PDE3B: variants seen among roughly 807,000 people sequenced by gnomAD.
PDE3B encodes the protein cGMP-inhibited 3',5'-cyclic phosphodiesterase 3B.
Under a neutral mutation model 116.8 loss-of-function variants are expected in PDE3B, and 66 were observed. That is an observed-to-expected ratio of 0.56 (90% CI 0.46 to 0.69). PDE3B has a LOEUF of 0.69. Among genes scored for constraint, PDE3B ranks in the 30% least tolerant of loss-of-function variants. PDE3B has a pLI of 0.00. For missense variants in PDE3B, 1,384 were observed against 1,368.1 expected, an observed-to-expected ratio of 1.01 and a Z score of -0.18; for synonymous variants, 595 against 533.6, an observed-to-expected ratio of 1.12 and a Z score of -1.59.
intron 1 of PDE3B, among the ~76,000 whole-genome samples, chr11:14,748,911 C>T (rs1288967451): frequency 7.1e-6 from 1 of 141,104 alleles, no homozygotes; most frequent in Non-Finnish European, 1.5e-5. Flanking sequence ...TTTTTTGAGA[C>T]AGAGTTTCGC....
At chr11:14,658,602 G>A (rs532663122) in intron 1 of PDE3B, among the ~76,000 whole-genome samples, 1 of 152,122 alleles carries the variant, frequency 6.6e-6, no homozygotes, top group Non-Finnish European at 1.5e-5. Context: ...TGATCCGCCC[G>A]CCTCGGCCTC....
intron 12 of PDE3B, among the ~76,000 whole-genome samples, chr11:14,851,044 C>T (rs528149147): frequency 5.5e-4 from 81 of 146,352 alleles, no homozygotes; most frequent in African/African-American, 2.0e-3. Flanking sequence ...GGGATGGTCT[C>T]GATCTCTTGA....
chr11:14,671,682 T>C (rs906660242), intron 1 of PDE3B, among the ~76,000 whole-genome samples: 4 of 152,108 alleles, frequency 2.6e-5, no homozygotes, highest in African/African-American at 9.7e-5. Context: ...TGACTTGGAC[T>C]ATCTCAGATG....
At chr11:14,858,961 G>T in intron 12 of PDE3B, 82 bp from the exon 13 acceptor site, 1 of 954,812 alleles carries the variant, frequency 1.0e-6, no homozygotes, top group Non-Finnish European at 1.6e-6. Context: ...TTCATTGTTT[G>T]TATACTTCCA....
At position 14,780,172 on chromosome 11, in the gene PDE3B, T is replaced by G. The variant is rs573449643; in HGVS notation, c.1030-6265T>G. Among the ~76,000 whole-genome samples the G allele has an allele frequency of 2.6e-4, 40 of 152,226 alleles. No homozygotes were observed. The East Asian group carries it at 7.3e-3, about 28-fold the overall frequency. ...GCACCCAGATTCATAAAGCAAGTCC[T>G]TAGAGACCTACAAAGAGACTTAGAC... On this transcript the variant is annotated intron_variant, in intron 2 of 15. Transcript: ENST00000282096.
intron 7 of PDE3B, among the ~76,000 whole-genome samples, chr11:14,822,094 G>A (rs1004542912): frequency 2.6e-5 from 4 of 151,922 alleles, no homozygotes; most frequent in Admixed American, 6.6e-5. Context: ...GTAGAGATGA[G>A]AACTCGCTCT....
the PDE3B span, chr11:14,891,724 A>C: frequency 7.8e-7 from 1 of 1,281,038 alleles, no homozygotes; most frequent in Non-Finnish European, 9.9e-7. Context: ...GTAGCGGGAA[A>C]ATCAGGACTG....
chr11:14,850,451 C>T (rs888636679), intron 12 of PDE3B, among the ~76,000 whole-genome samples: 5 of 151,724 alleles, frequency 3.3e-5, no homozygotes, highest in Admixed American at 6.6e-5. Context: ...AACTAACCTG[C>T]ACATTGTGCA....
chr11:14,744,539 T>C (rs1199814870), intron 1 of PDE3B, among the ~76,000 whole-genome samples: 1 of 152,218 alleles, frequency 6.6e-6, no homozygotes, highest in African/African-American at 2.4e-5. Context: ...ATTTTATTAT[T>C]TTTGATGCCA....
chr11:14,717,565 G>A (rs1476149515), intron 1 of PDE3B, among the ~76,000 whole-genome samples: 2 of 76,190 alleles, frequency 2.6e-5, no homozygotes, highest in African/African-American at 1.1e-4. Flanking sequence ...GACTAACAGC[G>A]GATCTCTCGG....
In PDE3B at chr11:14,871,654, C is replaced by G. The variant is rs567758252; in HGVS notation, c.*1994C>G. The G allele has an allele frequency of 6.6e-6, 1 of 152,106 alleles. No individual in the cohort carries two copies. The highest frequency in any genetic ancestry group is 2.1e-4 in the South Asian group (1 of 4,814). 9.4% of individuals were successfully genotyped at this position (152,106 alleles called of 1,614,324 possible). ...GGACTTATTGGATTTAATTATAAAT[C>G]CAATTACTACTGGAAACTCATTTTT... On this transcript the variant is annotated 3_prime_UTR_variant, in exon 16 of 16. Transcript: ENST00000282096.
At chr11:14,753,975 C>G (rs1257395849) in intron 1 of PDE3B, among the ~76,000 whole-genome samples, 1 of 151,636 alleles carries the variant, frequency 6.6e-6, no homozygotes. Context: ...AATGTGGAAG[C>G]TTGTGTTTTA....
At chr11:14,830,474 A>T (rs1457800784) in intron 7 of PDE3B, among the ~76,000 whole-genome samples, 2 of 152,080 alleles carry the variant, frequency 1.3e-5, no homozygotes, top group Non-Finnish European at 2.9e-5. Flanking sequence ...ATGAGTAGAT[A>T]TGAAAGGTGA....
At chr11:14,888,128 T>G in the PDE3B span, among the ~76,000 whole-genome samples, 1 of 152,220 alleles carries the variant, frequency 6.6e-6, no homozygotes, top group African/African-American at 2.4e-5. Context: ...CAATTTAAAA[T>G]CTGACCCACT....
At chr11:14,881,790 G>A in the PDE3B span, among the ~76,000 whole-genome samples, 1 of 152,050 alleles carries the variant, frequency 6.6e-6, no homozygotes, top group Non-Finnish European at 1.5e-5. Context: ...GAAGCAGATG[G>A]CCTCAACAGA....
intron 1 of PDE3B, among the ~76,000 whole-genome samples, chr11:14,675,647 T>G (rs1452752795): frequency 6.6e-6 from 1 of 152,178 alleles, no homozygotes; most frequent in Admixed American, 6.5e-5. Flanking sequence ...ATCTTTCACT[T>G]CATATACTGT....
rs1464914453 is a variant in PDE3B at position 14,871,692 on chromosome 11, C to A, written c.*2032C>A. The A allele has an allele frequency of 6.6e-6, 1 of 151,998 alleles. No homozygotes were observed. Among genetic ancestry groups the A allele is most frequent in the East Asian group, 1.9e-4 (1 of 5,196 alleles). 9.4% of individuals were successfully genotyped at this position (151,998 alleles called of 1,614,324 possible). A position where few individuals can be genotyped will look rare whatever the true frequency, so the allele number is the denominator to read the frequency against. On this transcript the variant is annotated 3_prime_UTR_variant, in exon 16 of 16. Coordinates refer to ENST00000282096, the MANE Select transcript of PDE3B (RefSeq NM_000922.4). ...GAAACTCATTTTTACATAATATAGT[C>A]CTTAAATTATTTAACCCTTGCTAAG...
rs532366224 is a variant in PDE3B at position 14,665,392 on chromosome 11, C to A, written c.978+20339C>A. 1.8e-4 allele frequency among the ~76,000 whole-genome samples: 27 copies of A among 152,202 alleles called. No homozygotes were observed. The South Asian group carries it at 5.0e-3, about 28-fold the overall frequency. On this transcript the variant is annotated intron_variant, in intron 1 of 15. Coordinates refer to ENST00000282096, the MANE Select transcript of PDE3B (RefSeq NM_000922.4). The stretch of plus-strand genomic sequence containing the variant: ...ATGCTGTCTCTCACCACTCCTATTC[C>A]ACATACTGTTGGAAGTTCTAGCCAG...
chr11:14,844,688 C>T (rs1375373891), intron 12 of PDE3B, among the ~76,000 whole-genome samples: 2 of 152,226 alleles, frequency 1.3e-5, no homozygotes, highest in African/African-American at 2.4e-5. Context: ...GATTACATCC[C>T]GCACCTGGCT....
Sources: allele counts gnomAD v4.1 joint callset (sites outside exome capture counted in the v4.1 genomes callset), GRCh38; gene constraint gnomAD v4.1.1; transcripts MANE v1.5; gene names NCBI Gene and HGNC (gene_info 2026-07-23, HGNC 2026-07-21).